Variants in MCTP2 observed in about 807,000 individuals in gnomAD.
The protein encoded by MCTP2 is multiple C2 and transmembrane domain-containing protein 2.
MCTP2 carries 132 observed loss-of-function variants against 111.6 expected under a neutral mutation model. The observed-to-expected ratio is 1.18, with a 90% CI of 1.03 to 1.37. MCTP2 has a LOEUF of 1.37. Ranked by LOEUF, MCTP2 falls within the 40% of genes most tolerant of loss-of-function variation. MCTP2 has a pLI of 0.00. For synonymous variants in MCTP2, 395 were observed against 387.7 expected, an observed-to-expected ratio of 1.02 and a Z score of -0.22; for missense variants, 1,183 against 1,067.9, an observed-to-expected ratio of 1.11 and a Z score of -1.50.
At chr15:94,368,888 G>C (rs1336672735) in intron 11 of MCTP2, among the ~76,000 whole-genome samples, 1 of 152,210 alleles carries the variant, frequency 6.6e-6, no homozygotes. Context: ...GATTTGAGGA[G>C]TAGTAATCGA....
At chr15:94,400,341 T>G (rs868418208) in intron 16 of MCTP2, among the ~76,000 whole-genome samples, 14 of 152,322 alleles carry the variant, frequency 9.2e-5, no homozygotes, top group South Asian at 6.2e-4. Context: ...CACAGCCATT[T>G]TGTCCTCTGC....
At chr15:94,396,317 C>G (rs1275377477) in intron 14 of MCTP2, among the ~76,000 whole-genome samples, 1 of 152,048 alleles carries the variant, frequency 6.6e-6, no homozygotes, top group Non-Finnish European at 1.5e-5. Context: ...TATAGATTCT[C>G]TCCTCTAAAT....
intron 1 of MCTP2, among the ~76,000 whole-genome samples, chr15:94,265,535 A>C (rs1379838227): frequency 6.6e-6 from 1 of 152,204 alleles, no homozygotes; most frequent in Non-Finnish European, 1.5e-5. Flanking sequence ...TATAAGATAT[A>C]CACTACTGTT....
At chr15:94,413,880 T>C (rs897360554) in intron 17 of MCTP2, among the ~76,000 whole-genome samples, 1 of 152,196 alleles carries the variant, frequency 6.6e-6, no homozygotes, top group East Asian at 1.9e-4. Context: ...CTTTCTTTTC[T>C]GCTAGTTAAG....
At chr15:94,242,134 T>C (rs1161800769) in intron 1 of MCTP2, among the ~76,000 whole-genome samples, 2 of 152,090 alleles carry the variant, frequency 1.3e-5, no homozygotes, top group African/African-American at 4.8e-5. Context: ...GAGCAAGTAA[T>C]GAAGGCCTAT....
chr15:94,288,271 G>A (rs1490303591), intron 1 of MCTP2, among the ~76,000 whole-genome samples: 1 of 152,190 alleles, frequency 6.6e-6, no homozygotes, highest in Non-Finnish European at 1.5e-5. Flanking sequence ...AGTATCACAG[G>A]AGACAGCTGA....
At chr15:94,390,854 T>C (rs2080924755) in intron 14 of MCTP2, among the ~76,000 whole-genome samples, 1 of 150,962 alleles carries the variant, frequency 6.6e-6, no homozygotes, top group Admixed American at 6.6e-5. Flanking sequence ...CTCAGTCTCC[T>C]GAATAACTGG....
chr15:94,466,054 G>A (rs2073252533), intron 20 of MCTP2, among the ~76,000 whole-genome samples: 2 of 151,976 alleles, frequency 1.3e-5, no homozygotes, highest in Admixed American at 6.6e-5. Context: ...CATTCATTGG[G>A]TTCTTAACTT....
At chr15:94,251,117 T>C (rs1283894641) in intron 1 of MCTP2, among the ~76,000 whole-genome samples, 1 of 152,158 alleles carries the variant, frequency 6.6e-6, no homozygotes, top group African/African-American at 2.4e-5. Context: ...AAGATCTGAG[T>C]GTGAGGCGAG....
In MCTP2 at chr15:94,244,770, A is replaced by G. The variant is rs542361626; in HGVS notation, c.-66+13106A>G. ...CATATGCACCTATGTTTATATTCGT[A>G]TATGTATACACATACATATGCACGT... is the stretch of plus-strand genomic sequence containing the variant. On this transcript the variant is annotated intron_variant, in intron 1 of 22. Coordinates refer to ENST00000357742, the MANE Select transcript of MCTP2 (RefSeq NM_001385001.1). Among the ~76,000 whole-genome samples, 30 of 149,282 alleles carry G rather than the reference A, an allele frequency of 2.0e-4. No homozygotes were observed. The South Asian group carries it at 5.9e-3, about 29-fold the overall frequency.
chr15:94,433,162 C>G (rs1453713617), intron 17 of MCTP2, among the ~76,000 whole-genome samples: 4 of 152,014 alleles, frequency 2.6e-5, no homozygotes, highest in African/African-American at 7.3e-5. Context: ...ACCATGGACT[C>G]TTGAAGGTAT....
chr15:94,470,247 T>G, intron 20 of MCTP2, 86 bp from the exon 21 acceptor site: 2 of 1,048,126 alleles, frequency 1.9e-6, no homozygotes, highest in Non-Finnish European at 1.4e-6. Flanking sequence ...TTTCTATAAT[T>G]ATGAACATGA....
intron 20 of MCTP2, among the ~76,000 whole-genome samples, chr15:94,469,965 T>G (rs2073778836): frequency 6.6e-6 from 1 of 152,086 alleles, no homozygotes; most frequent in Non-Finnish European, 1.5e-5. Context: ...TGAGAGACAA[T>G]TGTTGAATTA....
chr15:94,237,336 GATATTTGAGAGCC>G (rs539493891), intron 1 of MCTP2, among the ~76,000 whole-genome samples: 28 of 151,970 alleles, frequency 1.8e-4, no homozygotes, highest in Non-Finnish European at 3.5e-4. Context: ...TGGCCTTTGA[GATATTTGAGAGCC>G]ATATTTGAGA....
chr15:94,308,143 C>T (rs1038112774), intron 2 of MCTP2, among the ~76,000 whole-genome samples: 1 of 152,104 alleles, frequency 6.6e-6, no homozygotes, highest in Non-Finnish European at 1.5e-5. Context: ...TCAGTAAATA[C>T]CCTCTGAGTG....
chr15:94,462,970 C>G (rs939075644), intron 20 of MCTP2, among the ~76,000 whole-genome samples: 1 of 152,114 alleles, frequency 6.6e-6, no homozygotes, highest in East Asian at 1.9e-4. Flanking sequence ...AGGGAATGTC[C>G]CCTGCCTTCC....
intron 2 of MCTP2, 143 bp from the exon 3 acceptor site, chr15:94,314,139 C>T (rs2076273250): frequency 1.7e-6 from 1 of 598,382 alleles, no homozygotes; most frequent in Admixed American, 2.9e-5. Flanking sequence ...GTCTCCTTGC[C>T]ACACAAACAG....
chr15:94,369,082 A>C (rs1452346183), intron 11 of MCTP2, among the ~76,000 whole-genome samples: 1 of 152,206 alleles, frequency 6.6e-6, no homozygotes, highest in Non-Finnish European at 1.5e-5. Context: ...AAATTGTAAA[A>C]GCATTTCATT....
In MCTP2 at chr15:94,481,077, G is replaced by T. The variant is rs996170124; in HGVS notation, c.*2043G>T. On this transcript the variant is annotated 3_prime_UTR_variant, in exon 23 of 23. Transcript: ENST00000357742. ...TTATACAATTGTCAAAAACTTTTAG[G>T]AAAGATTCCAGAATGCTTTTGATAA... 2 of 152,178 alleles carry T rather than the reference G, an allele frequency of 1.3e-5. No individual in the cohort carries two copies. Among genetic ancestry groups the T allele is most frequent in the African/African-American group, 4.8e-5 (2 of 41,440 alleles). 9.4% of individuals were successfully genotyped at this position (152,178 alleles called of 1,614,324 possible). A position where few individuals can be genotyped will look rare whatever the true frequency, so the allele number is the denominator to read the frequency against.
Sources: gnomAD v4.1 joint callset for allele counts (sites outside exome capture counted in the v4.1 genomes callset) on GRCh38, gnomAD v4.1.1 for gene constraint, MANE v1.5 for transcripts, NCBI Gene and HGNC (gene_info 2026-07-23, HGNC 2026-07-21) for gene names.